The following LARGE1 variants were observed in gnomAD, a reference collection of about 807,000 sequenced individuals.
The protein encoded by LARGE1 is xylosyl- and glucuronyltransferase LARGE1.
LARGE1 carries 43 observed loss-of-function variants against 87.6 expected under a neutral mutation model. The observed-to-expected ratio is 0.49, with a 90% CI of 0.38 to 0.63. LARGE1 has a LOEUF of 0.63. LARGE1 is among the 30% of genes least tolerant of loss of function. The pLI is 0.00. For synonymous variants in LARGE1, 434 were observed against 394.6 expected, an observed-to-expected ratio of 1.10 and a Z score of -1.18; for missense variants, 802 against 1,000.2, an observed-to-expected ratio of 0.80 and a Z score of 2.67.
chr22:33,609,910 T>C (rs1364344717), intron 4 of LARGE1, among the ~76,000 whole-genome samples: 3 of 151,964 alleles, frequency 2.0e-5, no homozygotes, highest in Non-Finnish European at 4.4e-5. Flanking sequence ...AAAAAGAGTT[T>C]CTCTTTTTTT....
At chr22:33,557,299 T>A (rs945710782) in intron 6 of LARGE1, among the ~76,000 whole-genome samples, 2 of 152,200 alleles carry the variant, frequency 1.3e-5, no homozygotes, top group African/African-American at 2.4e-5. Context: ...GTTGCTTCAA[T>A]GGTGTACATC....
chr22:33,187,776 T>C (rs1479819657), intron 11 of LARGE1, among the ~76,000 whole-genome samples: 4 of 151,368 alleles, frequency 2.6e-5, no homozygotes, highest in Admixed American at 2.6e-4. Context: ...AAAAAAAAAT[T>C]AGCCGGGCAT....
At chr22:33,644,947 T>C (rs2149158080) in intron 3 of LARGE1, among the ~76,000 whole-genome samples, 1 of 152,252 alleles carries the variant, frequency 6.6e-6, no homozygotes, top group Middle Eastern at 3.4e-3. Context: ...TGCTCATGGA[T>C]AGGAAAATCA....
At chr22:33,216,951 C>T (rs955348634) in intron 11 of LARGE1, among the ~76,000 whole-genome samples, 3 of 152,130 alleles carry the variant, frequency 2.0e-5, no homozygotes, top group African/African-American at 4.8e-5. Flanking sequence ...AATAGGAAAA[C>T]GTAGATGAAA....
At chr22:33,869,471 A>AT (rs1185294240) in intron 1 of LARGE1, among the ~76,000 whole-genome samples, 1 of 152,184 alleles carries the variant, frequency 6.6e-6, no homozygotes. Context: ...GCCTCCTCAC[A>AT]TCTGGATGCG....
intron 1 of LARGE1, among the ~76,000 whole-genome samples, chr22:33,840,245 C>G (rs2063238644): frequency 6.6e-6 from 1 of 152,116 alleles, no homozygotes; most frequent in Non-Finnish European, 1.5e-5. Flanking sequence ...TGCACATCCC[C>G]TCACTGTAAA....
chr22:33,124,197 G>C, the LARGE1 span, among the ~76,000 whole-genome samples: 2 of 151,888 alleles, frequency 1.3e-5, no homozygotes, highest in Non-Finnish European at 2.9e-5. Flanking sequence ...TGAGGCAGGA[G>C]AATCACTTGA....
intron 10 of LARGE1, among the ~76,000 whole-genome samples, chr22:33,327,744 G>A (rs988399254): frequency 9.2e-5 from 14 of 152,108 alleles, no homozygotes; most frequent in Non-Finnish European, 1.9e-4. Context: ...GTCTCACTAT[G>A]GTGCCTGGGT....
intron 6 of LARGE1, among the ~76,000 whole-genome samples, chr22:33,533,148 G>T (rs1007310427): frequency 6.6e-6 from 1 of 152,230 alleles, no homozygotes; most frequent in Non-Finnish European, 1.5e-5. Flanking sequence ...CAAAGGGCCA[G>T]CCACTAACAA....
At chr22:33,883,818 C>A (rs1432720717) in intron 1 of LARGE1, among the ~76,000 whole-genome samples, 1 of 152,222 alleles carries the variant, frequency 6.6e-6, no homozygotes, top group Non-Finnish European at 1.5e-5. Flanking sequence ...CTTAAAACCG[C>A]AAACCCTAAC....
intron 7 of LARGE1, among the ~76,000 whole-genome samples, chr22:33,426,401 A>G (rs1225171427): frequency 6.6e-6 from 1 of 152,152 alleles, no homozygotes; most frequent in Non-Finnish European, 1.5e-5. Flanking sequence ...AAATCACCCA[A>G]TCACAGTATT....
At position 33,725,026 on chromosome 22, in the gene LARGE1, A is replaced by T. The variant is rs940119807; in HGVS notation, c.106+36345T>A. The T allele has an allele frequency of 2.5e-4, 38 of 153,004 alleles. No homozygotes were observed. The Admixed American group carries it at 2.5e-3, about 10-fold the overall frequency. The allele number at this position is 153,004 out of a possible 1,614,324, so 9.5% of individuals were successfully genotyped here. Reference sequence around the variant, plus strand: ...ACCTGCAGGAAGTAAAGGGGCTACAAGGGATCCATGGAAAGAGCATTCCCA... The same window carrying T: ...ACCTGCAGGAAGTAAAGGGGCTACATGGGATCCATGGAAAGAGCATTCCCA... On this transcript the variant is annotated intron_variant, in intron 2 of 14. Coordinates refer to ENST00000397394, the MANE Select transcript of LARGE1 (RefSeq NM_133642.5).
chr22:33,807,821 CATGGCTTG>C (rs1333872798), intron 1 of LARGE1, among the ~76,000 whole-genome samples: 2 of 152,188 alleles, frequency 1.3e-5, no homozygotes, highest in African/African-American at 4.8e-5. Flanking sequence ...CATGTCTTTT[CATGGCTTG>C]ATGGCTCATT....
At chr22:33,310,078 A>T (rs1202179636) in intron 11 of LARGE1, among the ~76,000 whole-genome samples, 1 of 151,846 alleles carries the variant, frequency 6.6e-6, no homozygotes, top group Non-Finnish European at 1.5e-5. Flanking sequence ...GCTTCTTAAG[A>T]CCCCTATTTC....
At chr22:33,119,916 G>T in the LARGE1 span, among the ~76,000 whole-genome samples, 3 of 152,132 alleles carry the variant, frequency 2.0e-5, no homozygotes. Context: ...TCCTTTTGAT[G>T]TCCCTTGCAG....
At position 33,382,585 on chromosome 22, in the gene LARGE1, G is replaced by A. The variant is rs113379221; in HGVS notation, c.1006-541C>T. Among the ~76,000 whole-genome samples, 589 of 152,244 alleles carry A rather than the reference G, an allele frequency of 3.9e-3. 6 individuals are homozygous for A. Among genetic ancestry groups the A allele is most frequent in the Non-Finnish European group, 4.6e-3 (310 of 68,010 alleles). ...ATGGTGCCCAGGATACGCACTCCCC[G>A]TTTCAAAATCCAACCCTGACTTGTC... On this transcript the variant is annotated intron_variant, in intron 8 of 14. Transcript: ENST00000397394.
intron 7 of LARGE1, among the ~76,000 whole-genome samples, chr22:33,394,879 G>C (rs992077687): frequency 1.3e-5 from 2 of 152,080 alleles, no homozygotes; most frequent in Non-Finnish European, 2.9e-5. Context: ...GAAGACCACA[G>C]GCCATAAGCA....
At chr22:33,842,384 G>C (rs2063305968) in intron 1 of LARGE1, among the ~76,000 whole-genome samples, 1 of 151,702 alleles carries the variant, frequency 6.6e-6, no homozygotes, top group South Asian at 2.1e-4. Context: ...AGCTCTGCTG[G>C]CTTAGAGGGG....
downstream of LARGE1, among the ~76,000 whole-genome samples, chr22:33,270,444 C>A (rs986584299): frequency 2.6e-5 from 4 of 152,154 alleles, no homozygotes. Flanking sequence ...GTTTTTGAAG[C>A]CAGCCAGATT....
Sources: allele counts gnomAD v4.1 joint callset (sites outside exome capture counted in the v4.1 genomes callset), GRCh38; gene constraint gnomAD v4.1.1; transcripts MANE v1.5; gene names NCBI Gene and HGNC (gene_info 2026-07-23, HGNC 2026-07-21).